Variants in DNAH11 observed in about 807,000 individuals in gnomAD.
DNAH11 encodes the protein dynein axonemal heavy chain 11, also known as axonemal beta dynein heavy chain 11.
Under a neutral mutation model 526.0 loss-of-function variants are expected in DNAH11, and 442 were observed. That is an observed-to-expected ratio of 0.84 (90% CI 0.78 to 0.91). The LOEUF is 0.91. Ranked by LOEUF, DNAH11 falls within the 40% of genes least tolerant of loss-of-function variation. The pLI is 0.00. For synonymous variants in DNAH11, 2,461 were observed against 1,935.9 expected (o/e 1.27, Z -7.12); for missense variants, 6,989 against 5,448.7 (o/e 1.28, Z -8.90).
chr7:21,815,759 A>T (rs1047309274), intron 63 of DNAH11, among the ~76,000 whole-genome samples: 3 of 152,196 alleles, frequency 2.0e-5, no homozygotes, highest in Non-Finnish European at 4.4e-5. Flanking sequence ...ACATTCTTTA[A>T]TACAATTTTT....
chr7:21,901,233 G>A lies in DNAH11; in HGVS notation c.13530G>A (p.Val4510=), dbSNP rs1784815250. ...CTGCAAAATGGGTTCTGGCTGGAGTGGCTCTGCTTCTAGAAGCGTAAGGTA... is the reference window on the plus strand; with the variant it reads ...CTGCAAAATGGGTTCTGGCTGGAGTAGCTCTGCTTCTAGAAGCGTAAGGTA... ...EKTAKWVLAG[V]ALLLEA is the part of the protein sequence containing the mutation. The change falls in exon 82 of 82, where the codon GTG becomes GTA. Residue 4510 remains valine, a synonymous_variant. Coordinates refer to ENST00000409508, the MANE Select transcript of DNAH11 (RefSeq NM_001277115.2). 1.9e-6 allele frequency: 3 copies of A among 1,612,836 alleles called. No homozygotes were observed. Among genetic ancestry groups the A allele is most frequent in the Non-Finnish European group, 2.5e-6 (3 of 1,179,248 alleles).
intron 75 of DNAH11, 143 bp from the exon 76 acceptor site, chr7:21,884,148 T>TA (rs1784035658): frequency 9.8e-6 from 6 of 615,056 alleles, no homozygotes; most frequent in African/African-American, 5.6e-5. Flanking sequence ...TGCAGAAACT[T>TA]AGACAATTTC....
intron 65 of DNAH11, among the ~76,000 whole-genome samples, chr7:21,821,970 C>A (rs1045807053): frequency 6.6e-6 from 1 of 151,848 alleles, no homozygotes; most frequent in Non-Finnish European, 1.5e-5. Flanking sequence ...ATTTTTCTTT[C>A]TGTGCCTGAC....
intron 54 of DNAH11, among the ~76,000 whole-genome samples, chr7:21,760,704 A>G (rs1364740548): frequency 3.3e-5 from 5 of 152,152 alleles, no homozygotes; most frequent in African/African-American, 1.2e-4. Context: ...CTAACCAACC[A>G]TTTATGTTGA....
At chr7:21,635,419 G>T (rs1283132585) in intron 25 of DNAH11, among the ~76,000 whole-genome samples, 1 of 152,178 alleles carries the variant, frequency 6.6e-6, no homozygotes, top group African/African-American at 2.4e-5. Context: ...GCCTCCCAAA[G>T]TGCTGGGATT....
chr7:21,614,565 G>C (rs901868699), intron 20 of DNAH11, among the ~76,000 whole-genome samples: 4 of 152,156 alleles, frequency 2.6e-5, no homozygotes, highest in Non-Finnish European at 4.4e-5. Flanking sequence ...CTATGTAGAT[G>C]GGGTATATAA....
chr7:21,712,541 T>G (rs1784502406), intron 42 of DNAH11, among the ~76,000 whole-genome samples: 1 of 152,218 alleles, frequency 6.6e-6, no homozygotes, highest in African/African-American at 2.4e-5. Flanking sequence ...GCACTTGTTA[T>G]TTTCCCTTTT....
intron 20 of DNAH11, 140 bp from the exon 21 acceptor site, chr7:21,614,974 C>A: frequency 1.0e-6 from 1 of 969,576 alleles, no homozygotes; most frequent in Non-Finnish European, 1.5e-6. Flanking sequence ...CTACATTTTG[C>A]CAGTAATTAC....
chr7:21,872,159 T>G (rs1039391872), intron 73 of DNAH11, among the ~76,000 whole-genome samples: 8 of 58,504 alleles, frequency 1.4e-4, no homozygotes, highest in Non-Finnish European at 2.9e-4. Context: ...ACCTTCATAA[T>G]GACCACATTT....
Position 21,591,208 on chromosome 7 carries a change from TGTGC to T in DNAH11, c.2299_2302del (p.Val767LysfsTer17). 2 of 1,548,478 alleles carry T rather than the reference TGTGC, an allele frequency of 1.3e-6. No individual in the cohort carries two copies. The highest frequency in any genetic ancestry group is 2.6e-5 in the South Asian group (2 of 78,106). On this transcript the variant is annotated frameshift_variant, in exon 14 of 82. Transcript: ENST00000409508. LOFTEE classifies it high-confidence loss of function. ...AGTACATTGGAAATCTTGACCTTCT[TGTGC>T]AAGGGTATAATAAACTCAAACAGAC... is the stretch of plus-strand genomic sequence containing the variant.
At chr7:21,727,003 G>A (rs1785147138) in intron 45 of DNAH11, among the ~76,000 whole-genome samples, 2 of 121,134 alleles carry the variant, frequency 1.7e-5, no homozygotes, top group African/African-American at 6.7e-5. Flanking sequence ...GCGCGATCTC[G>A]GCTCACCGCA....
At chr7:21,839,594 G>A (rs1045557352) in intron 65 of DNAH11, among the ~76,000 whole-genome samples, 5 of 151,214 alleles carry the variant, frequency 3.3e-5, no homozygotes, top group South Asian at 2.1e-4. Context: ...AAAAGGGGAC[G>A]TATGTAATGC....
Position 21,545,220 on chromosome 7 carries a change from C to T in DNAH11, c.495+71C>T, listed in dbSNP as rs72655970. The T allele has an allele frequency of 6.2e-3, 7,900 of 1,277,802 alleles. 151 individuals carry two copies. In the Admixed American group the frequency reaches 0.064, roughly 10 times the overall value. The allele number at this position is 1,277,802 out of a possible 1,614,324, so 79.2% of individuals were successfully genotyped here. A position where few individuals can be genotyped will look rare whatever the true frequency, so the allele number is the denominator to read the frequency against. ...ACATTTGAAATTATTTAGGACAACT[C>T]CGATAATTAAAAAAAGAAGAGCTAG... On this transcript the variant is annotated intron_variant, in intron 2 of 81. Coordinates refer to ENST00000409508, the MANE Select transcript of DNAH11 (RefSeq NM_001277115.2).
Position 21,742,048 on chromosome 7 carries a change from G to C in DNAH11, c.8036G>C (p.Gly2679Ala), listed in dbSNP as rs753287409. 1 of 1,613,848 alleles carries C rather than the reference G, an allele frequency of 6.2e-7. No individual in the cohort carries two copies. Among genetic ancestry groups the C allele is most frequent in the Non-Finnish European group, 8.5e-7 (1 of 1,179,852 alleles). The change falls in exon 49 of 82, where the codon GGC becomes GCC. Residue 2679 changes from glycine (G) to alanine (A), a missense_variant. Transcript: ENST00000409508. ...QAFAPSILRSGPTLIQATIAF... is the reference protein window; with the variant it reads ...QAFAPSILRSAPTLIQATIAF... The stretch of plus-strand genomic sequence containing the variant: ...TTTGCTCCATCAATTCTCAGGAGTG[G>C]CCCCACTTTGATCCAGGCAACAATA...
At chr7:21,820,757 T>A (rs1223736891) in intron 65 of DNAH11, among the ~76,000 whole-genome samples, 2 of 152,162 alleles carry the variant, frequency 1.3e-5, no homozygotes, top group Non-Finnish European at 2.9e-5. Flanking sequence ...TTTTATCAGT[T>A]ACACTAGTTG....
intron 45 of DNAH11, among the ~76,000 whole-genome samples, chr7:21,733,514 C>G (rs961853987): frequency 1.3e-5 from 2 of 150,974 alleles, no homozygotes; most frequent in Admixed American, 6.6e-5. Flanking sequence ...CAAGTATGAT[C>G]TAGCTGGTTG....
chr7:21,795,885 C>T (rs996306930), intron 61 of DNAH11, among the ~76,000 whole-genome samples: 4 of 152,104 alleles, frequency 2.6e-5, no homozygotes, highest in Non-Finnish European at 4.4e-5. Flanking sequence ...GGAGCAGTTT[C>T]CTCTTGAATC....
Position 21,707,765 on chromosome 7 carries a change from C to A in DNAH11, c.6613C>A (p.Pro2205Thr). Residue 2205 changes from proline (P) to threonine (T), a missense_variant, in exon 40 of 82, where the codon CCT (proline) becomes ACT (threonine). By Grantham distance (38) the Pro-to-Thr change is conservative. Coordinates refer to ENST00000409508, the MANE Select transcript of DNAH11 (RefSeq NM_001277115.2). ...KQKPVWNDLN[P>T]KAVTTDELFG... is the part of the protein sequence containing the mutation. ...GAAGCCGGTTTGGAATGACTTAAAC[C>A]CTAAAGCTGTGACAACAGATGAACT... is the stretch of plus-strand genomic sequence containing the variant. 6.2e-7 allele frequency: 1 copy of A among 1,612,942 alleles called. No homozygotes were observed. The highest frequency in any genetic ancestry group is 2.2e-5 in the East Asian group (1 of 44,832).
intron 62 of DNAH11, among the ~76,000 whole-genome samples, chr7:21,806,357 T>G (rs1292188785): frequency 6.6e-6 from 1 of 152,226 alleles, no homozygotes; most frequent in Non-Finnish European, 1.5e-5. Context: ...ATGCATATGT[T>G]GTCTATGGCT....
Sources: allele counts gnomAD v4.1 joint callset (sites outside exome capture counted in the v4.1 genomes callset), GRCh38; gene constraint gnomAD v4.1.1; transcripts MANE v1.5; gene names NCBI Gene and HGNC (gene_info 2026-07-23, HGNC 2026-07-21).